The following POGLUT3 variants were observed in gnomAD, a reference collection of about 807,000 sequenced individuals.
POGLUT3 encodes the protein protein O-glucosyltransferase 3, also known as KDEL (Lys-Asp-Glu-Leu) containing 2.
A neutral mutation model predicts 54.3 loss-of-function variants in POGLUT3; 48 were observed. The ratio of observed to expected loss-of-function variants is 0.88; its 90% CI spans 0.70 to 1.12. The LOEUF (loss-of-function observed/expected upper bound fraction) is 1.12, where lower values mean the gene tolerates loss of function less well. Among genes scored for constraint, POGLUT3 ranks in the 50% most tolerant of loss-of-function variants. POGLUT3 has a pLI of 0.00. For missense variants in POGLUT3, 629 were observed against 618.7 expected (o/e 1.02, Z -0.18); for synonymous variants, 218 against 237.4 (o/e 0.92, Z 0.75).
rs774380595 is a variant in POGLUT3, at chr11:108,474,804, C to T, written c.*23G>A. ...TTCCTTAAAGTGTAGCCGGGATACA[C>T]AGGAGTGTGATTCTGGGCTGACTCA... On this transcript the variant is annotated 3_prime_UTR_variant, in exon 8 of 8. Transcript: ENST00000323468. 28 of 1,613,336 alleles carry T rather than the reference C, an allele frequency of 1.7e-5. No individual in the cohort carries two copies. Among genetic ancestry groups the T allele is most frequent in the Middle Eastern group, 1.7e-4 (1 of 6,060 alleles).
chr11:108,481,758 C>T (rs2093593146), intron 4 of POGLUT3, among the ~76,000 whole-genome samples: 1 of 152,138 alleles, frequency 6.6e-6, no homozygotes, highest in Admixed American at 6.6e-5. Flanking sequence ...GGTCCACTCA[C>T]CAAGGCATTA....
chr11:108,477,462 T>C (rs965395358), intron 7 of POGLUT3, 145 bp downstream of exon 7: 1 of 602,610 alleles, frequency 1.7e-6, no homozygotes, highest in Non-Finnish European at 3.0e-6. Context: ...TAGCACTATC[T>C]TTCCCTAGGC....
intron 1 of POGLUT3, chr11:108,491,486 A>G: frequency 2.2e-6 from 1 of 452,868 alleles, no homozygotes; most frequent in South Asian, 2.9e-5. Context: ...CATCAGCCCC[A>G]TGAGTAGCTG....
rs1213982102 is a variant in POGLUT3, at chr11:108,473,417, TG to T, written c.*1409del. On this transcript the variant is annotated 3_prime_UTR_variant, in exon 8 of 8. Coordinates refer to ENST00000323468, the MANE Select transcript of POGLUT3 (RefSeq NM_153705.5). ...TCTTGTTTTAGAACATGCACTTTAG[TG>T]AACTGAACCTTGGACTGATGGTTAC... 6.6e-6 allele frequency: 1 copy of T among 152,240 alleles called. No individual in the cohort carries two copies. Among genetic ancestry groups the T allele is most frequent in the Non-Finnish European group, 1.5e-5 (1 of 68,052 alleles). The allele number at this position is 152,240 out of a possible 1,614,324, so 9.4% of individuals were successfully genotyped here.
intron 2 of POGLUT3, 91 bp downstream of exon 2, chr11:108,490,879 A>C (rs2093611828): frequency 2.4e-6 from 2 of 839,530 alleles, no homozygotes; most frequent in Admixed American, 4.4e-5. Flanking sequence ...ACTTTACTGC[A>C]CATGACTTTG....
chr11:108,481,961 T>C, intron 4 of POGLUT3, 45 bp downstream of exon 4: 1 of 1,470,108 alleles, frequency 6.8e-7, no homozygotes, highest in Non-Finnish European at 9.5e-7. Context: ...CCACTCTGTC[T>C]CTAAGCTTTT....
At chr11:108,492,822 A>C (rs1280194605) in intron 1 of POGLUT3, among the ~76,000 whole-genome samples, 1 of 152,256 alleles carries the variant, frequency 6.6e-6, no homozygotes, top group Non-Finnish European at 1.5e-5. Context: ...ATAGGAAATT[A>C]TTAGAAATGT....
chr11:108,489,185 AAG>A (rs1275980424), intron 2 of POGLUT3, among the ~76,000 whole-genome samples: 1 of 152,164 alleles, frequency 6.6e-6, no homozygotes, highest in East Asian at 1.9e-4. Context: ...AAATGAAACA[AAG>A]AGAAAAAAGA....
chr11:108,496,195 C>T (rs1004252269), intron 1 of POGLUT3, among the ~76,000 whole-genome samples: 1 of 151,752 alleles, frequency 6.6e-6, no homozygotes, highest in Non-Finnish European at 1.5e-5. Context: ...GTGGATTATG[C>T]CTGTAATCCC....
At chr11:108,478,245 T>A (rs2093585929) in intron 6 of POGLUT3, 1 of 152,994 alleles carries the variant, frequency 6.5e-6, no homozygotes, top group African/African-American at 2.4e-5. Context: ...ACATCTCCGT[T>A]AAAGAGAAAC....
chr11:108,498,063 C>G, intron 1 of POGLUT3, 102 bp downstream of exon 1: 2 of 1,062,160 alleles, frequency 1.9e-6, no homozygotes, highest in Non-Finnish European at 2.6e-6. Context: ...GGGCGACACA[C>G]GCCGGGGAGG....
In POGLUT3 at chr11:108,485,816, C is replaced by G. The variant is rs2093602322; in HGVS notation, c.684+341G>C. Among the ~76,000 whole-genome samples the G allele has an allele frequency of 3.3e-5, 5 of 152,062 alleles. No homozygotes were observed. In the South Asian group the frequency reaches 1.0e-3, roughly 31 times the overall value. On this transcript the variant is annotated intron_variant, in intron 3 of 7. Transcript: ENST00000323468. ...GTGATTACAGGCGCCCACCACCACG[C>G]CCAGCTAATTTTTGTATTTTTAGTA...
At chr11:108,484,876 G>A (rs776746736) in intron 3 of POGLUT3, among the ~76,000 whole-genome samples, 20 of 152,068 alleles carry the variant, frequency 1.3e-4, no homozygotes, top group Non-Finnish European at 2.6e-4. Context: ...AACAAAAGGT[G>A]GTTTAAGTTG....
intron 3 of POGLUT3, among the ~76,000 whole-genome samples, chr11:108,483,503 C>G (rs1185147385): frequency 6.6e-6 from 1 of 152,110 alleles, no homozygotes; most frequent in Non-Finnish European, 1.5e-5. Flanking sequence ...TCACATCCCA[C>G]CCCCACTTCC....
At chr11:108,495,298 G>C (rs1194499381) in intron 1 of POGLUT3, among the ~76,000 whole-genome samples, 1 of 152,194 alleles carries the variant, frequency 6.6e-6, no homozygotes, top group East Asian at 1.9e-4. Flanking sequence ...AGCCTCCCCA[G>C]TAGCTGGGAC....
In POGLUT3 at chr11:108,472,132, T is replaced by C. The variant is rs1007540325; in HGVS notation, c.*2695A>G. ...TTTTTCAACTTTTTATTTAGAAAAT[T>C]TATTTTATTTAAAAGGTATATATAT... On this transcript the variant is annotated 3_prime_UTR_variant, in exon 8 of 8. Transcript: ENST00000323468. 1 of 152,140 alleles carries C rather than the reference T, an allele frequency of 6.6e-6. No individual in the cohort carries two copies. The highest frequency in any genetic ancestry group is 1.9e-4 in the East Asian group (1 of 5,200). 9.4% of individuals were successfully genotyped at this position (152,140 alleles called of 1,614,324 possible). A position where few individuals can be genotyped will look rare whatever the true frequency, so the allele number is the denominator to read the frequency against.
chr11:108,485,636 T>TTTTATTTATTTATTTATTTA (rs34832849), intron 3 of POGLUT3, among the ~76,000 whole-genome samples: 17 of 140,322 alleles, frequency 1.2e-4, no homozygotes, highest in African/African-American at 4.5e-4. Context: ...CTTTATTCTA[T>TTTTATTTATTTATTTATTTA]TTTATTTATT....
intron 5 of POGLUT3, among the ~76,000 whole-genome samples, chr11:108,480,416 A>G (rs2093590223): frequency 6.6e-6 from 1 of 152,236 alleles, no homozygotes; most frequent in Non-Finnish European, 1.5e-5. Context: ...TCATTCAATT[A>G]GAATAATCTG....
intron 1 of POGLUT3, among the ~76,000 whole-genome samples, chr11:108,493,707 G>A (rs1446156147): frequency 4.0e-5 from 6 of 150,874 alleles, no homozygotes; most frequent in Admixed American, 4.0e-4. Context: ...AGGAGGCTGA[G>A]GCAGGAGACT....
Sources: allele counts gnomAD v4.1 joint callset (sites outside exome capture counted in the v4.1 genomes callset), GRCh38; gene constraint gnomAD v4.1.1; transcripts MANE v1.5; gene names NCBI Gene and HGNC (gene_info 2026-07-23, HGNC 2026-07-21).